Variants in SLC4A10 observed in about 807,000 individuals in gnomAD.
The protein encoded by SLC4A10 is solute carrier family 4 member 10, also known as sodium-driven chloride bicarbonate exchanger.
Under a neutral mutation model 137.7 loss-of-function variants are expected in SLC4A10, and 42 were observed. The observed-to-expected ratio is 0.30, with a 90% CI of 0.24 to 0.39. The LOEUF (loss-of-function observed/expected upper bound fraction) is 0.39, where lower values mean the gene tolerates loss of function less well. Ranked by LOEUF, SLC4A10 falls within the 10% of genes least tolerant of loss-of-function variation. The pLI, the probability that SLC4A10 is intolerant of heterozygous loss-of-function variation, is 1.00. For missense variants in SLC4A10, 925 were observed against 1,355.0 expected, an observed-to-expected ratio of 0.68 and a Z score of 4.98; for synonymous variants, 474 against 464.1, an observed-to-expected ratio of 1.02 and a Z score of -0.27.
intron 1 of SLC4A10, among the ~76,000 whole-genome samples, chr2:161,682,144 G>C (rs2040923457): frequency 6.6e-6 from 1 of 151,924 alleles, no homozygotes; most frequent in Admixed American, 6.6e-5. Flanking sequence ...AATACTTTTT[G>C]GGAAAAGGAT....
chr2:161,871,307 CT>C (rs1327919738), intron 6 of SLC4A10, among the ~76,000 whole-genome samples: 2 of 151,684 alleles, frequency 1.3e-5, no homozygotes, highest in African/African-American at 4.8e-5. Flanking sequence ...ACATCTACAA[CT>C]GACGTGAATA....
At chr2:161,851,466 C>G (rs1406382986) in intron 4 of SLC4A10, among the ~76,000 whole-genome samples, 1 of 152,004 alleles carries the variant, frequency 6.6e-6, no homozygotes, top group Non-Finnish European at 1.5e-5. Flanking sequence ...TTTATGTAAT[C>G]CTCTTCTTTT....
chr2:161,688,627 A>C (rs779202686), intron 1 of SLC4A10, among the ~76,000 whole-genome samples: 116 of 152,158 alleles, frequency 7.6e-4, no homozygotes, highest in Non-Finnish European at 1.2e-3. Context: ...TTTTTATTGG[A>C]TAGGAATTAA....
chr2:161,761,583 G>C (rs762767438), intron 1 of SLC4A10, among the ~76,000 whole-genome samples: 3 of 151,960 alleles, frequency 2.0e-5, no homozygotes, highest in Non-Finnish European at 4.4e-5. Flanking sequence ...AAGCAAACCA[G>C]CAGGCAAAAA....
chr2:161,642,177 T>C (rs1305732555), intron 1 of SLC4A10, among the ~76,000 whole-genome samples: 1 of 151,940 alleles, frequency 6.6e-6, no homozygotes, highest in Non-Finnish European at 1.5e-5. Context: ...GATTCCCTAG[T>C]GTAGTGATGT....
At chr2:161,765,121 C>A (rs1011157752) in intron 1 of SLC4A10, among the ~76,000 whole-genome samples, 3 of 151,896 alleles carry the variant, frequency 2.0e-5, no homozygotes, top group Non-Finnish European at 2.9e-5. Context: ...GAGTAGAATA[C>A]CATAGAGTAG....
chr2:161,773,515 G>C (rs530254671), intron 2 of SLC4A10, among the ~76,000 whole-genome samples: 3 of 151,570 alleles, frequency 2.0e-5, no homozygotes, highest in Admixed American at 6.6e-5. Context: ...ACAGATAAAC[G>C]CGTTTAAAAA....
At chr2:161,879,018 T>G in intron 8 of SLC4A10, 113 bp from the exon 9 acceptor site, 2 of 873,552 alleles carry the variant, frequency 2.3e-6, no homozygotes, top group South Asian at 5.1e-5. Flanking sequence ...CTGTGTGTAT[T>G]TATTTAAACT....
At chr2:161,811,915 A>C (rs902651662) in intron 3 of SLC4A10, among the ~76,000 whole-genome samples, 19 of 152,058 alleles carry the variant, frequency 1.2e-4, no homozygotes, top group African/African-American at 4.6e-4. Flanking sequence ...AACATGATAG[A>C]GTCTCCACCA....
At chr2:161,854,681 C>G (rs1261595791) in intron 4 of SLC4A10, among the ~76,000 whole-genome samples, 2 of 152,090 alleles carry the variant, frequency 1.3e-5, no homozygotes, top group Non-Finnish European at 2.9e-5. Context: ...TTTTCTCTGA[C>G]CACTGGTTAA....
chr2:161,896,503 G>C (rs1051424705), intron 11 of SLC4A10, among the ~76,000 whole-genome samples: 1 of 151,982 alleles, frequency 6.6e-6, no homozygotes, highest in Non-Finnish European at 1.5e-5. Context: ...AATTACCTTG[G>C]GCAGTATGGC....
At chr2:161,810,219 G>T (rs779891331) in intron 3 of SLC4A10, among the ~76,000 whole-genome samples, 1 of 151,944 alleles carries the variant, frequency 6.6e-6, no homozygotes. Context: ...CATTGATTTT[G>T]TCTCCTGAAA....
intron 2 of SLC4A10, among the ~76,000 whole-genome samples, chr2:161,782,558 G>T (rs560701285): frequency 6.6e-6 from 1 of 151,542 alleles, no homozygotes; most frequent in Non-Finnish European, 1.5e-5. Context: ...ACCTGGAAAA[G>T]AATTTAGAAT....
intron 15 of SLC4A10, among the ~76,000 whole-genome samples, chr2:161,917,214 G>T (rs1371479814): frequency 1.3e-5 from 2 of 151,882 alleles, no homozygotes; most frequent in African/African-American, 4.8e-5. Flanking sequence ...CCTTTTTCTT[G>T]CCAGGTAGTG....
chr2:161,761,041 T>C (rs1467994393), intron 1 of SLC4A10, among the ~76,000 whole-genome samples: 1 of 152,016 alleles, frequency 6.6e-6, no homozygotes, highest in Non-Finnish European at 1.5e-5. Context: ...ATTGAAAACC[T>C]ACTACATGCC....
intron 15 of SLC4A10, among the ~76,000 whole-genome samples, chr2:161,940,291 C>T (rs1692444018): frequency 6.6e-6 from 1 of 152,178 alleles, no homozygotes; most frequent in African/African-American, 2.4e-5. Flanking sequence ...AGAAGACCAA[C>T]AGCGTTTCTT....
In SLC4A10 at chr2:161,663,854, A is replaced by T. The variant is rs562306753; in HGVS notation, c.48+39288A>T. ...ATATGAATTTTTTTGAACAGCTGAT[A>T]GTTTGACCAAGAATTTTTGATGTTT... On this transcript the variant is annotated intron_variant, in intron 1 of 26. Transcript: ENST00000446997. Among the ~76,000 whole-genome samples the T allele has an allele frequency of 9.2e-5, 14 of 152,138 alleles. 1 individual carries two copies. In the South Asian group the frequency reaches 2.9e-3, roughly 31 times the overall value.
At chr2:161,629,653 T>A (rs1167374237) in intron 1 of SLC4A10, among the ~76,000 whole-genome samples, 1 of 151,890 alleles carries the variant, frequency 6.6e-6, no homozygotes, top group Non-Finnish European at 1.5e-5. Flanking sequence ...CATTATAGTA[T>A]TATACAGAGT....
At chr2:161,878,626 G>A (rs1265127687) in intron 8 of SLC4A10, among the ~76,000 whole-genome samples, 1 of 152,010 alleles carries the variant, frequency 6.6e-6, no homozygotes, top group Non-Finnish European at 1.5e-5. Flanking sequence ...AGTATATAAT[G>A]TGAAGAATAT....
Sources: gnomAD v4.1 joint callset for allele counts (sites outside exome capture counted in the v4.1 genomes callset) on GRCh38, gnomAD v4.1.1 for gene constraint, MANE v1.5 for transcripts, NCBI Gene and HGNC (gene_info 2026-07-23, HGNC 2026-07-21) for gene names.